Variants in LRRC8C observed in about 807,000 individuals in gnomAD.
LRRC8C encodes leucine rich repeat containing 8 VRAC subunit C.
A neutral mutation model predicts 55.3 loss-of-function variants in LRRC8C; 20 were observed. That is an observed-to-expected ratio of 0.36 (90% CI 0.25 to 0.53). LRRC8C has a LOEUF of 0.53. Ranked by LOEUF, LRRC8C falls within the 20% of genes least tolerant of loss-of-function variation. The pLI is 0.92. For synonymous variants in LRRC8C, 376 were observed against 360.7 expected (o/e 1.04, Z -0.48); for missense variants, 659 against 951.4 (o/e 0.69, Z 4.04).
chr1:89,637,224 C>T (rs963523321), intron 1 of LRRC8C, among the ~76,000 whole-genome samples: 3 of 151,914 alleles, frequency 2.0e-5, no homozygotes, highest in Non-Finnish European at 4.4e-5. Context: ...CCGAGCATGT[C>T]AACCGTATTT....
chr1:89,714,077 A>G lies in LRRC8C; in HGVS notation c.1507A>G (p.Met503Val). 2 of 1,614,066 alleles carry G rather than the reference A, an allele frequency of 1.2e-6. No homozygotes were observed. Among genetic ancestry groups the G allele is most frequent in the Non-Finnish European group, 1.7e-6 (2 of 1,180,026 alleles). ...LKVLSVKFDD[M>V]RELPPWMYGL... is the part of the protein sequence containing the mutation. ...GGTCTTGAGCGTCAAGTTTGATGACATGAGGGAACTCCCCCCCTGGATGTA... is the reference window on the plus strand; with the variant it reads ...GGTCTTGAGCGTCAAGTTTGATGACGTGAGGGAACTCCCCCCCTGGATGTA... Residue 503 changes from methionine (M) to valine (V), a missense_variant, in exon 3 of 3, where the codon ATG becomes GTG. Physicochemically the swap from Met to Val is conservative, Grantham distance 21. This residue lies in a region of LRRC8C where 344 missense variants were observed against 464.6 expected (regional missense o/e 0.74). Transcript: ENST00000370454. This position sits in a 1 kb window ranked among gnomAD's most constrained non-coding sequence, Gnocchi z 4.6.
At chr1:89,673,570 A>G (rs1227442905) in intron 1 of LRRC8C, among the ~76,000 whole-genome samples, 2 of 152,104 alleles carry the variant, frequency 1.3e-5, no homozygotes, top group Non-Finnish European at 2.9e-5. Flanking sequence ...TTCTTCCTCT[A>G]CTTTTTTTTC....
At chr1:89,659,064 TGTGTGTGTG>T (rs1557651843) in intron 1 of LRRC8C, among the ~76,000 whole-genome samples, 8 of 25,830 alleles carry the variant, frequency 3.1e-4, no homozygotes, top group South Asian at 1.1e-3. Flanking sequence ...TTTTTTTTTG[TGTGTGTGTG>T]TGTGTGTGTG....
upstream of LRRC8C, chr1:89,632,545 C>T (rs1656136072): frequency 6.5e-6 from 1 of 152,694 alleles, no homozygotes; most frequent in African/African-American, 2.4e-5. Context: ...CCACCCTTCT[C>T]TTAGGAGGCC....
At chr1:89,661,394 T>C (rs1461791823) in intron 1 of LRRC8C, 2 of 317,108 alleles carry the variant, frequency 6.3e-6, no homozygotes, top group Non-Finnish European at 1.3e-5. Context: ...CCAGCTCCAA[T>C]GAATACAAAG....
intron 2 of LRRC8C, among the ~76,000 whole-genome samples, chr1:89,701,738 C>T (rs1237869547): frequency 6.6e-6 from 1 of 152,042 alleles, no homozygotes; most frequent in Non-Finnish European, 1.5e-5. Context: ...TGTTACAATT[C>T]AAAACAGTCC....
Position 89,714,211 on chromosome 1 carries a change from C to G in LRRC8C, c.1641C>G (p.Leu547=), listed in dbSNP as rs1411815602. 6.2e-7 allele frequency: 1 copy of G among 1,614,088 alleles called. No homozygotes were observed. The highest frequency in any genetic ancestry group is 1.6e-4 in the Middle Eastern group (1 of 6,062). The part of the protein sequence containing the change: ...SLRDLKSLKI[L]SIKSNVSKIP... ...GGGATCTCAAAAGCCTTAAAATTCT[C>G]TCTATCAAAAGCAACGTTTCCAAAA... Residue 547 remains leucine, a synonymous_variant, in exon 3 of 3, where the codon CTC becomes CTG. Transcript: ENST00000370454. This position sits in a 1 kb window ranked among gnomAD's most constrained non-coding sequence, Gnocchi z 4.6.
chr1:89,659,292 A>G (rs1394741752), intron 1 of LRRC8C, among the ~76,000 whole-genome samples: 7 of 152,144 alleles, frequency 4.6e-5, no homozygotes. Context: ...TTCAAGAAGG[A>G]ATTCAACTCA....
chr1:89,686,688 G>C, intron 2 of LRRC8C, 77 bp downstream of exon 2: 1 of 1,521,174 alleles, frequency 6.6e-7, no homozygotes, highest in South Asian at 1.2e-5. Context: ...GGAGCTGGCT[G>C]TGTGATTTTT....
At chr1:89,665,040 G>A (rs1200989345) in intron 1 of LRRC8C, among the ~76,000 whole-genome samples, 1 of 151,796 alleles carries the variant, frequency 6.6e-6, no homozygotes. Flanking sequence ...AGATGATGAT[G>A]GGGTTTTCTA....
chr1:89,704,183 G>A (rs1658409076), intron 2 of LRRC8C, among the ~76,000 whole-genome samples: 1 of 152,016 alleles, frequency 6.6e-6, no homozygotes, highest in Admixed American at 6.6e-5. Flanking sequence ...AGAATTCCTG[G>A]TGCTGACCTT....
At chr1:89,658,900 G>T (rs1229529906) in intron 1 of LRRC8C, among the ~76,000 whole-genome samples, 1 of 151,996 alleles carries the variant, frequency 6.6e-6, no homozygotes, top group Non-Finnish European at 1.5e-5. Flanking sequence ...CAAAGAATTA[G>T]GAGCCACTGC....
Position 89,713,794 on chromosome 1 carries a change from A to T in LRRC8C, c.1224A>T (p.Glu408Asp), listed in dbSNP as rs146636215. The T allele has an allele frequency of 1.2e-6, 2 of 1,614,068 alleles. No individual in the cohort carries two copies. The highest frequency in any genetic ancestry group is 2.7e-5 in the African/African-American group (2 of 74,912). ...TAAAGCAGCTGAACTTAAATAACGA[A>T]TGGACTCCTGATAAACTGAGGCAGA... ...NKLKQLNLNNEWTPDKLRQKL... is the reference protein window; with the variant it reads ...NKLKQLNLNNDWTPDKLRQKL... The change falls in exon 3 of 3, where the codon GAA becomes GAT. Residue 408 changes from glutamate to aspartate, a missense_variant. Glu to Asp is a conservative substitution (Grantham distance 45). Transcript: ENST00000370454. The surrounding 1 kb of genome is among the most constrained non-coding windows in gnomAD (Gnocchi z 5.2).
the LRRC8C span, among the ~76,000 whole-genome samples, chr1:89,620,579 C>CA: frequency 2.1e-4 from 29 of 137,052 alleles, no homozygotes; most frequent in Non-Finnish European, 3.8e-4. Context: ...GATGATTTTT[C>CA]AAAAAAAAAA....
At chr1:89,625,808 T>C in the LRRC8C span, among the ~76,000 whole-genome samples, 1 of 152,296 alleles carries the variant, frequency 6.6e-6, no homozygotes, top group African/African-American at 2.4e-5. Context: ...GGCTTAAAAT[T>C]AGATGCTTCG....
At position 89,633,191 on chromosome 1, in the gene LRRC8C, T is replaced by C. The variant is rs1183541455; in HGVS notation, c.-136T>C. ...GGCGCCGCCGTGGCCGCGGCCGCAG[T>C]GCTCGGGCGCGACAAGCCATGAGCA... On this transcript the variant is annotated 5_prime_UTR_variant, in exon 1 of 3. Transcript: ENST00000370454. The C allele has an allele frequency of 6.6e-6, 1 of 152,184 alleles. No individual in the cohort carries two copies. The highest frequency in any genetic ancestry group is 1.5e-5 in the Non-Finnish European group (1 of 68,074). 9.4% of individuals were successfully genotyped at this position (152,184 alleles called of 1,614,324 possible). A position where few individuals can be genotyped will look rare whatever the true frequency, so the allele number is the denominator to read the frequency against.
Position 89,686,601 on chromosome 1 carries a change from GTAC to G in LRRC8C, c.130_132del (p.Thr44del). 1 of 1,614,082 alleles carries G rather than the reference GTAC, an allele frequency of 6.2e-7. No individual in the cohort carries two copies. Among genetic ancestry groups the G allele is most frequent in the Non-Finnish European group, 8.5e-7 (1 of 1,180,012 alleles). ...ATGCTCATGATCGGCGTGTTTGGAT[GTAC>G]TTTACAGGTAGGTGCCTAGATCCCT... On this transcript the variant is annotated inframe_deletion, in exon 2 of 3. Coordinates refer to ENST00000370454, the MANE Select transcript of LRRC8C (RefSeq NM_032270.5).
At chr1:89,638,188 C>T (rs1022514983) in intron 1 of LRRC8C, among the ~76,000 whole-genome samples, 5 of 152,108 alleles carry the variant, frequency 3.3e-5, no homozygotes, top group Admixed American at 6.5e-5. Flanking sequence ...AAGCTCTTTC[C>T]ATACCAGAAG....
chr1:89,648,423 CA>C (rs1329226970), intron 1 of LRRC8C, among the ~76,000 whole-genome samples: 1 of 152,128 alleles, frequency 6.6e-6, no homozygotes, highest in Non-Finnish European at 1.5e-5. Flanking sequence ...GGTACATCTA[CA>C]GTCTTAAATT....
Sources: allele counts gnomAD v4.1 joint callset (sites outside exome capture counted in the v4.1 genomes callset), GRCh38; gene constraint gnomAD v4.1.1; regional missense constraint gnomAD v4.1.1; non-coding constraint Gnocchi (gnomAD v3.1); transcripts MANE v1.5; gene names NCBI Gene and HGNC (gene_info 2026-07-23, HGNC 2026-07-21).